Variants in CHRNA10 observed in about 807,000 individuals in gnomAD.
The protein encoded by CHRNA10 is cholinergic receptor nicotinic alpha 10 subunit.
CHRNA10 carries 31 observed loss-of-function variants against 36.0 expected under a neutral mutation model. The ratio of observed to expected loss-of-function variants is 0.86; its 90% CI spans 0.65 to 1.16. The LOEUF (loss-of-function observed/expected upper bound fraction) is 1.16, where lower values mean the gene tolerates loss of function less well. Ranked by LOEUF, CHRNA10 falls within the 50% of genes most tolerant of loss-of-function variation. The pLI, the probability that CHRNA10 is intolerant of heterozygous loss-of-function variation, is 0.00. For synonymous variants in CHRNA10, 302 were observed against 287.0 expected, an observed-to-expected ratio of 1.05 and a Z score of -0.53; for missense variants, 648 against 640.9, an observed-to-expected ratio of 1.01 and a Z score of -0.12.
Position 3,666,397 on chromosome 11 carries a change from C to G in CHRNA10, c.1063G>C (p.Glu355Gln). 1 of 1,613,818 alleles carries G rather than the reference C, an allele frequency of 6.2e-7. No homozygotes were observed. The highest frequency in any genetic ancestry group is 8.5e-7 in the Non-Finnish European group (1 of 1,179,958). Residue 355 changes from glutamate to glutamine, a missense_variant, in exon 5 of 5, where the codon GAG (glutamate) becomes CAG (glutamine). Coordinates refer to ENST00000250699, the MANE Select transcript of CHRNA10 (RefSeq NM_020402.4). ...GGTGGCCTGGACTGCCCACAGGGCT[C>G]CCCTCTTTCCCGCACGCACAGGCCC... is the stretch of plus-strand genomic sequence containing the variant. ...ARGLCVRERG[E>Q]PCGQSRPPEL...
Position 3,666,216 on chromosome 11 carries a change from C to T in CHRNA10, c.1244G>A (p.Cys415Tyr). Residue 415 changes from cysteine to tyrosine, a missense_variant, in exon 5 of 5, where the codon TGC (cysteine) becomes TAC (tyrosine). Cys to Tyr is a radical substitution (Grantham distance 194). Coordinates refer to ENST00000250699, the MANE Select transcript of CHRNA10 (RefSeq NM_020402.4). ...TFRSHRAAQRCHEDWKRLARV... is the reference protein window; with the variant it reads ...TFRSHRAAQRYHEDWKRLARV... ...GGCCAGGCGCTTCCAGTCCTCATGG[C>T]AGCGCTGGGCAGCTCGGTGGCTGCG... The T allele has an allele frequency of 1.9e-6, 3 of 1,614,074 alleles. No homozygotes were observed. Among genetic ancestry groups the T allele is most frequent in the Non-Finnish European group, 2.5e-6 (3 of 1,179,994 alleles).
chr11:3,667,851 G>A, intron 3 of CHRNA10, 87 bp from the exon 4 acceptor site: 1 of 1,248,550 alleles, frequency 8.0e-7, no homozygotes, highest in East Asian at 3.0e-5. Flanking sequence ...GACCCCCAGG[G>A]GCTGAAAGAA....
In CHRNA10 at chr11:3,667,725, C is replaced by A. The variant is rs1324635067; in HGVS notation, c.402G>T (p.Val134=). 8 of 1,569,148 alleles carry A rather than the reference C, an allele frequency of 5.1e-6. No individual in the cohort carries two copies. Among genetic ancestry groups the A allele is most frequent in the Non-Finnish European group, 6.9e-6 (8 of 1,165,072 alleles). Residue 134 remains valine, a synonymous_variant, in exon 4 of 5, where the codon GTG becomes GTT. Coordinates refer to ENST00000250699, the MANE Select transcript of CHRNA10 (RefSeq NM_020402.4). ...GCACGGCGCCATCGTGGCGCAGGACCACGTTGGTGCTGGCGGAACCTGGAG... is the reference window on the plus strand; with the variant it reads ...GCACGGCGCCATCGTGGCGCAGGACAACGTTGGTGCTGGCGGAACCTGGAG... ...AQPPGSASTN[V]VLRHDGAVRW...
Position 3,667,304 on chromosome 11 carries a change from G to C in CHRNA10, c.823C>G (p.Leu275Val). ...GEKVSLGVTV[L>V]LALTVFQLLL... is the part of the protein sequence containing the mutation. ...AACTGGAAGACGGTGAGCGCCAGCA[G>C]CACGGTGACGCCCAGCGACACCTTC... is the stretch of plus-strand genomic sequence containing the variant. The change falls in exon 4 of 5, where the codon CTG becomes GTG. Residue 275 changes from leucine to valine, a missense_variant. Coordinates refer to ENST00000250699, the MANE Select transcript of CHRNA10 (RefSeq NM_020402.4). 3 of 1,599,042 alleles carry C rather than the reference G, an allele frequency of 1.9e-6. No individual in the cohort carries two copies. The highest frequency in any genetic ancestry group is 2.5e-6 in the Non-Finnish European group (3 of 1,178,550).
Position 3,665,957 on chromosome 11 carries a change from C to G in CHRNA10, c.*150G>C, listed in dbSNP as rs961916798. 9.4e-6 allele frequency: 6 copies of G among 635,872 alleles called. No homozygotes were observed. The highest frequency in any genetic ancestry group is 5.5e-5 in the African/African-American group (3 of 54,570). 39.4% of individuals were successfully genotyped at this position (635,872 alleles called of 1,614,324 possible). ...TTAGGGTGTGTAGACAATGAGTGCT[C>G]CCTTGTGGATTGTGAAGTCAAGTGT... On this transcript the variant is annotated 3_prime_UTR_variant, in exon 5 of 5. Coordinates refer to ENST00000250699, the MANE Select transcript of CHRNA10 (RefSeq NM_020402.4).
At chr11:3,670,494 G>A (rs2077705765) in intron 1 of CHRNA10, among the ~76,000 whole-genome samples, 1 of 152,048 alleles carries the variant, frequency 6.6e-6, no homozygotes, top group African/African-American at 2.4e-5. Context: ...CTTCATCCCA[G>A]ATTTTTCTCC....
chr11:3,667,248 C>G lies in CHRNA10; in HGVS notation c.879G>C (p.Glu293Asp). 6.3e-7 allele frequency: 1 copy of G among 1,588,630 alleles called. No homozygotes were observed. Among genetic ancestry groups the G allele is most frequent in the Non-Finnish European group, 8.5e-7 (1 of 1,175,144 alleles). Residue 293 changes from glutamate to aspartate, a missense_variant, in exon 4 of 5, where the codon GAG becomes GAC. Glu to Asp is a conservative substitution (Grantham distance 45). Transcript: ENST00000250699. ...GCTGCTCACCGATGAGCGGCACGCT[C>G]TCGGCCGGTGGCATGCTCTCGGCCA... ...LLLAESMPPA[E>D]SVPLIGKYYM...
intron 4 of CHRNA10, 32 bp from the exon 5 acceptor site, chr11:3,666,596 A>G: frequency 1.3e-6 from 2 of 1,489,972 alleles, no homozygotes; most frequent in Non-Finnish European, 1.8e-6. Context: ...AATTGACTCA[A>G]AACAAAAGCC....
At position 3,667,584 on chromosome 11, in the gene CHRNA10, T is replaced by C. The variant is rs117521524; in HGVS notation, c.543A>G (p.Gln181=). The C allele has an allele frequency of 4.6e-4, 718 of 1,556,238 alleles. 3 individuals carry two copies. In the East Asian group the frequency reaches 0.013, roughly 29 times the overall value. The change falls in exon 4 of 5, where the codon CAA becomes CAG. Residue 181 remains glutamine (Q), a synonymous_variant. Coordinates refer to ENST00000250699, the MANE Select transcript of CHRNA10 (RefSeq NM_020402.4). The stretch of plus-strand genomic sequence containing the variant: ...CAGCGCCGCGCGGCCGCACATCCAG[T>C]TGGTGCCCGCCGTGAGTCCAGGAGC... ...TFGSWTHGGH[Q]LDVRPRGAAA...
intron 1 of CHRNA10, among the ~76,000 whole-genome samples, chr11:3,670,536 C>T (rs958745235): frequency 2.0e-5 from 3 of 152,154 alleles, no homozygotes; most frequent in Admixed American, 2.0e-4. Flanking sequence ...GTACAGTCCA[C>T]TCCTGAGTTT....
rs2077662870 is a variant in CHRNA10, at chr11:3,666,490, A to C, written c.970T>G (p.Tyr324Asp). 1 of 1,607,876 alleles carries C rather than the reference A, an allele frequency of 6.2e-7. No homozygotes were observed. Among genetic ancestry groups the C allele is most frequent in the African/African-American group, 1.3e-5 (1 of 74,906 alleles). ...ACTGGGCGGACACTGGGACCACAGTAATGCAGGTTCATGATAAGGATGGTG... is the reference window on the plus strand; with the variant it reads ...ACTGGGCGGACACTGGGACCACAGTCATGCAGGTTCATGATAAGGATGGTG... ...ALTILIMNLH[Y>D]CGPSVRPVPA... The change falls in exon 5 of 5, where the codon TAC becomes GAC. Residue 324 changes from tyrosine to aspartate, a missense_variant. Coordinates refer to ENST00000250699, the MANE Select transcript of CHRNA10 (RefSeq NM_020402.4).
At position 3,666,192 on chromosome 11, in the gene CHRNA10, G is replaced by A. The variant is rs2077658153; in HGVS notation, c.1268C>T (p.Ala423Val). ...CAGGAAGAAGCGGTCCATCACACGG[G>A]CCAGGCGCTTCCAGTCCTCATGGCA... ...QRCHEDWKRL[A>V]RVMDRFFLAI... The change falls in exon 5 of 5, where the codon GCC becomes GTC. Residue 423 changes from alanine (A) to valine (V), a missense_variant. By Grantham distance (64) the Ala-to-Val change is moderately conservative. Transcript: ENST00000250699. The A allele has an allele frequency of 6.2e-7, 1 of 1,613,368 alleles. No individual in the cohort carries two copies. The highest frequency in any genetic ancestry group is 1.7e-5 in the Admixed American group (1 of 59,916).
chr11:3,667,114 G>T, intron 4 of CHRNA10, 118 bp downstream of exon 4: 1 of 1,406,858 alleles, frequency 7.1e-7, no homozygotes, highest in Non-Finnish European at 9.3e-7. Flanking sequence ...CACGTTCCCA[G>T]GACGCCCCCC....
At chr11:3,668,540 T>A (rs886785668) in intron 3 of CHRNA10, 1 of 152,138 alleles carries the variant, frequency 6.6e-6, no homozygotes, top group South Asian at 2.1e-4. Flanking sequence ...TGTGCTTGTT[T>A]TTTTTTCGTT....
chr11:3,670,022 G>A (rs765235311), intron 1 of CHRNA10, 81 bp from the exon 2 acceptor site: 51 of 1,515,292 alleles, frequency 3.4e-5, no homozygotes, highest in Non-Finnish European at 4.5e-5. Flanking sequence ...CCCAGGGCTG[G>A]GGCCCTGTCC....
Position 3,666,254 on chromosome 11 carries a change from A to C in CHRNA10, c.1206T>G (p.Ile402Met). The C allele has an allele frequency of 1.2e-6, 2 of 1,614,084 alleles. No individual in the cohort carries two copies. The highest frequency in any genetic ancestry group is 1.7e-6 in the Non-Finnish European group (2 of 1,180,016). The change falls in exon 5 of 5, where the codon ATT becomes ATG. Residue 402 changes from isoleucine (I) to methionine (M), a missense_variant. Ile to Met is a conservative substitution (Grantham distance 10). Coordinates refer to ENST00000250699, the MANE Select transcript of CHRNA10 (RefSeq NM_020402.4). Reference sequence around the variant, plus strand: ...CTCGGTGGCTGCGGAAGGTATTGGCAATGGTGGCTACGTGGTGCAGTAGGG... The same window carrying C: ...CTCGGTGGCTGCGGAAGGTATTGGCCATGGTGGCTACGTGGTGCAGTAGGG... ...QEALLHHVAT[I>M]ANTFRSHRAA... is the part of the protein sequence containing the mutation.
rs773279004 is a variant in CHRNA10 at position 3,669,802 on chromosome 11, G to A, written c.201C>T (p.Ile67=). The A allele has an allele frequency of 5.0e-6, 8 of 1,614,052 alleles. No homozygotes were observed. The highest frequency in any genetic ancestry group is 3.3e-5 in the Admixed American group (2 of 60,002). ...TACCACCACCACAACGCACCATGTC[G>A]ATGATCTGGGACAGTGTCACCTCCA... ...VTLEVTLSQI[I]DMDERNQVLT... Residue 67 remains isoleucine, a synonymous_variant, in exon 2 of 5, where the codon ATC becomes ATT. Transcript: ENST00000250699.
At chr11:3,667,867 A>C (rs2077680986) in intron 3 of CHRNA10, 103 bp from the exon 4 acceptor site, 2 of 1,010,752 alleles carry the variant, frequency 2.0e-6, no homozygotes, top group Non-Finnish European at 2.7e-6. Flanking sequence ...AAGAAACCAA[A>C]ACTTCTCCCC....
chr11:3,670,105 A>C (rs1177991389), intron 1 of CHRNA10, among the ~76,000 whole-genome samples, 164 bp from the exon 2 acceptor site: 1 of 152,170 alleles, frequency 6.6e-6, no homozygotes, highest in Middle Eastern at 3.2e-3. Context: ...GCCTGCCTGC[A>C]GGGACACATG....
Sources: allele counts gnomAD v4.1 joint callset (sites outside exome capture counted in the v4.1 genomes callset), GRCh38; gene constraint gnomAD v4.1.1; transcripts MANE v1.5; gene names NCBI Gene and HGNC (gene_info 2026-07-23, HGNC 2026-07-21).